The following PSD2 variants were observed in gnomAD, a reference collection of about 807,000 sequenced individuals.
PSD2 encodes the protein pleckstrin and Sec7 domain containing 2.
Under a neutral mutation model 69.8 loss-of-function variants are expected in PSD2, and 38 were observed. The observed-to-expected ratio is 0.54, with a 90% confidence interval of 0.42 to 0.71. The LOEUF is 0.71. PSD2 is among the 30% of genes least tolerant of loss of function. The pLI, the probability that PSD2 is intolerant of heterozygous loss-of-function variation, is 0.00. For synonymous variants in PSD2, 412 were observed against 423.0 expected (o/e 0.97, Z 0.32); for missense variants, 943 against 1,014.5 (o/e 0.93, Z 0.96).
At chr5:139,766,838 T>TCCTTC in the PSD2 span, among the ~76,000 whole-genome samples, 1 of 142,182 alleles carries the variant, frequency 7.0e-6, no homozygotes, top group African/African-American at 2.7e-5. Context: ...CTTCTTTCTT[T>TCCTTC]CTTTCTTTCT....
At chr5:139,795,545 G>A (rs1444194861), upstream of PSD2, among the ~76,000 whole-genome samples, 21 of 152,100 alleles carry the variant, frequency 1.4e-4, no homozygotes, top group Admixed American at 1.3e-3. This position sits in a 1 kb window ranked among gnomAD's most constrained non-coding sequence, Gnocchi z 4.5. Flanking sequence ...GCTAGGAGGG[G>A]GCAGAACCCC....
At chr5:139,768,237 G>A in the PSD2 span, among the ~76,000 whole-genome samples, 2 of 152,232 alleles carry the variant, frequency 1.3e-5, no homozygotes, top group East Asian at 3.8e-4. Context: ...GGATAGGACA[G>A]GCCCCAGCTG....
the PSD2 span, among the ~76,000 whole-genome samples, chr5:139,766,832 T>TC: frequency 0.35 from 16,487 of 46,616 alleles, 2,369 homozygotes; most frequent in Non-Finnish European, 0.44. Flanking sequence ...CCCTTCCTTC[T>TC]TTCTTTCTTT....
Position 139,839,891 on chromosome 5 carries a change from C to T in PSD2, c.1969-136C>T. On this transcript the variant is annotated intron_variant, in intron 13 of 14. Transcript: ENST00000274710. This position sits in a 1 kb window ranked among gnomAD's most constrained non-coding sequence, Gnocchi z 5.1. ...GCATGCCCTCAGGTCCAGAGTCTGG[C>T]TCTGTCCCCACATTTTGGTGATGCT... 1.1e-6 allele frequency: 1 copy of T among 905,810 alleles called. No homozygotes were observed. Among genetic ancestry groups the T allele is most frequent in the Non-Finnish European group, 1.7e-6 (1 of 580,656 alleles). The allele number at this position is 905,810 out of a possible 1,614,324, so 56.1% of individuals were successfully genotyped here.
upstream of PSD2, among the ~76,000 whole-genome samples, chr5:139,794,856 G>A (rs113042977): frequency 3.0e-3 from 459 of 152,278 alleles, 2 homozygotes; most frequent in African/African-American, 9.8e-3. Context: ...TACTCTGCAG[G>A]TGCCTCACAG....
chr5:139,841,093 C>T (rs72796703), intron 14 of PSD2, among the ~76,000 whole-genome samples: 2,095 of 152,286 alleles, frequency 0.014, 21 homozygotes, highest in Non-Finnish European at 0.019. Flanking sequence ...TACTCTCTGC[C>T]TCTATGATTT....
chr5:139,817,675 CT>C, intron 5 of PSD2, 114 bp downstream of exon 5: 1 of 880,630 alleles, frequency 1.1e-6, no homozygotes, highest in East Asian at 2.5e-5. Flanking sequence ...CTTTTGACCC[CT>C]GGTGAGGCTG....
chr5:139,768,562 A>G, the PSD2 span, among the ~76,000 whole-genome samples: 1 of 152,060 alleles, frequency 6.6e-6, no homozygotes, highest in Non-Finnish European at 1.5e-5. Context: ...CGTCTCTACT[A>G]AAAATACAAA....
the PSD2 span, among the ~76,000 whole-genome samples, chr5:139,789,092 C>G: frequency 1.3e-5 from 2 of 152,232 alleles, no homozygotes; most frequent in Non-Finnish European, 2.9e-5. Context: ...CCTGACTGCA[C>G]GGTTTCCCTA....
At chr5:139,811,452 G>T (rs1184779165) in intron 2 of PSD2, among the ~76,000 whole-genome samples, 1 of 152,208 alleles carries the variant, frequency 6.6e-6, no homozygotes, top group Admixed American at 6.5e-5. Context: ...CTCAGGGGAG[G>T]CTGATGCAGA....
intron 1 of PSD2, among the ~76,000 whole-genome samples, chr5:139,807,691 C>A (rs1759847727): frequency 6.6e-6 from 1 of 152,152 alleles, no homozygotes; most frequent in South Asian, 2.1e-4. Context: ...CTCCTCTTTT[C>A]CACTCCATGT....
chr5:139,787,174 T>G, the PSD2 span, among the ~76,000 whole-genome samples: 1 of 152,174 alleles, frequency 6.6e-6, no homozygotes, highest in African/African-American at 2.4e-5. Flanking sequence ...ACAGATTGCC[T>G]TGGCCTTGTC....
At chr5:139,785,178 T>C in the PSD2 span, among the ~76,000 whole-genome samples, 2 of 142,308 alleles carry the variant, frequency 1.4e-5, no homozygotes, top group Non-Finnish European at 3.0e-5. Context: ...CTTTGTCTTC[T>C]CTTCTCCTCT....
the PSD2 span, among the ~76,000 whole-genome samples, chr5:139,784,055 C>G: frequency 6.6e-6 from 1 of 151,000 alleles, no homozygotes; most frequent in African/African-American, 2.4e-5. Flanking sequence ...GATCCTCCCA[C>G]CCTAGCCTCC....
At chr5:139,783,306 G>T in the PSD2 span, among the ~76,000 whole-genome samples, 1 of 152,104 alleles carries the variant, frequency 6.6e-6, no homozygotes, top group African/African-American at 2.4e-5. Context: ...GCTGGGCAGG[G>T]TGGTGCGTAC....
intron 1 of PSD2, among the ~76,000 whole-genome samples, chr5:139,806,874 A>G (rs935684234): frequency 6.6e-6 from 1 of 152,118 alleles, no homozygotes; most frequent in African/African-American, 2.4e-5. Flanking sequence ...CCCCCCGCCC[A>G]GAGTAGAACT....
chr5:139,796,276 C>T (rs1354014773), intron 1 of PSD2, among the ~76,000 whole-genome samples: 5 of 152,168 alleles, frequency 3.3e-5, no homozygotes, highest in Non-Finnish European at 7.4e-5. Context: ...GTGGGGGCTG[C>T]CGGGCCGATT....
At chr5:139,747,462 C>A in the PSD2 span, among the ~76,000 whole-genome samples, 1 of 152,166 alleles carries the variant, frequency 6.6e-6, no homozygotes, top group Non-Finnish European at 1.5e-5. This position sits in a 1 kb window ranked among gnomAD's most constrained non-coding sequence, Gnocchi z 6.7. Context: ...CGGGCGGGGG[C>A]TGGGGGCTGT....
chr5:139,805,632 T>G (rs925398691), intron 1 of PSD2, among the ~76,000 whole-genome samples: 1 of 152,180 alleles, frequency 6.6e-6, no homozygotes, highest in Non-Finnish European at 1.5e-5. Context: ...GAGAGGGCCT[T>G]TCTCAGGAGG....
Sources: gnomAD v4.1 joint callset for allele counts (sites outside exome capture counted in the v4.1 genomes callset) on GRCh38, gnomAD v4.1.1 for gene constraint, Gnocchi (gnomAD v3.1) non-coding constraint, MANE v1.5 for transcripts, NCBI Gene and HGNC (gene_info 2026-07-23, HGNC 2026-07-21) for gene names.